Variants in CSPP1 observed in about 807,000 individuals in gnomAD.
CSPP1 encodes the protein centrosome and spindle pole-associated protein 1.
CSPP1 carries 126 observed loss-of-function variants against 164.4 expected under a neutral mutation model. The ratio of observed to expected loss-of-function variants is 0.77; its 90% CI spans 0.66 to 0.89. The LOEUF is 0.89. Among genes scored for constraint, CSPP1 ranks in the 40% least tolerant of loss-of-function variants. The pLI is 0.00. For missense variants in CSPP1, 1,395 were observed against 1,449.8 expected, an observed-to-expected ratio of 0.96 and a Z score of 0.61; for synonymous variants, 472 against 476.7, an observed-to-expected ratio of 0.99 and a Z score of 0.13.
At chr8:67,179,991 A>G (rs1832634767) in intron 28 of CSPP1, 65 bp downstream of exon 28, 1 of 890,900 alleles carries the variant, frequency 1.1e-6, no homozygotes, top group Non-Finnish European at 1.8e-6. Flanking sequence ...ACACTTAAAA[A>G]CCAGTACTGT....
chr8:67,172,119 G>A (rs2129566998), intron 24 of CSPP1, among the ~76,000 whole-genome samples: 1 of 151,502 alleles, frequency 6.6e-6, no homozygotes, highest in South Asian at 2.1e-4. Flanking sequence ...AAAGTGCTGG[G>A]ATTATAGGCA....
rs1382175164 is a variant in CSPP1 at position 67,086,739 on chromosome 8, A to G, written c.303+629A>G. 11 of 631,486 alleles carry G rather than the reference A, an allele frequency of 1.7e-5. No individual in the cohort carries two copies. In the Admixed American group the frequency reaches 2.7e-4, roughly 15 times the overall value. The allele number at this position is 631,486 out of a possible 1,614,324, so 39.1% of individuals were successfully genotyped here. On this transcript the variant is annotated intron_variant, in intron 4 of 30. Coordinates refer to ENST00000678616, the MANE Select transcript of CSPP1 (RefSeq NM_001382391.1). Reference sequence around the variant, plus strand: ...CTTTATGTTTGTTCCAAGTGTACAAATGTCTCTTATTCTGATTTACACATG... The same window carrying G: ...CTTTATGTTTGTTCCAAGTGTACAAGTGTCTCTTATTCTGATTTACACATG...
chr8:67,067,684 T>G (rs1805864794), intron 1 of CSPP1, among the ~76,000 whole-genome samples: 1 of 151,520 alleles, frequency 6.6e-6, no homozygotes, highest in Non-Finnish European at 1.5e-5. Context: ...AGGATGGTCT[T>G]GATCTCCTGA....
chr8:67,095,220 T>G, intron 6 of CSPP1, 73 bp from the exon 7 acceptor site: 2 of 805,800 alleles, frequency 2.5e-6, no homozygotes, highest in South Asian at 4.6e-5. Flanking sequence ...AAGTATAAAT[T>G]GAGGGTTTAA....
rs1216684934 is a variant in CSPP1 at position 67,161,876 on chromosome 8, ACCT to A, written c.2608_2610del (p.Pro870del). 6.2e-7 allele frequency: 1 copy of A among 1,612,984 alleles called. No individual in the cohort carries two copies. Among genetic ancestry groups the A allele is most frequent in the East Asian group, 2.2e-5 (1 of 44,834 alleles). On this transcript the variant is annotated inframe_deletion, in exon 22 of 31. Transcript: ENST00000678616. ...ACAAAATTGCAAGCAAACTCCAAAG[ACCT>A]CCTTCAGTTGACAGCATCATACGTT...
At chr8:67,150,141 T>C (rs1345107076) in intron 18 of CSPP1, among the ~76,000 whole-genome samples, 1 of 152,158 alleles carries the variant, frequency 6.6e-6, no homozygotes, top group East Asian at 1.9e-4. Flanking sequence ...TTCTTCCTAC[T>C]GTGTTTCTTC....
intron 24 of CSPP1, among the ~76,000 whole-genome samples, chr8:67,169,504 T>C (rs768889000): frequency 1.3e-5 from 2 of 152,122 alleles, no homozygotes; most frequent in Non-Finnish European, 2.9e-5. Flanking sequence ...GGAGGCATGA[T>C]CTTCGGCTCA....
chr8:67,166,712 T>G (rs1829371325), intron 24 of CSPP1, among the ~76,000 whole-genome samples: 1 of 152,136 alleles, frequency 6.6e-6, no homozygotes, highest in African/African-American at 2.4e-5. Flanking sequence ...CATGCATATT[T>G]AATTCAGTTT....
In CSPP1 at chr8:67,113,861, C is replaced by A. The variant is rs750389579; in HGVS notation, c.1244C>A (p.Ser415Ter). ...AASGAQDPEK[S>*]WNELLTSLQL... The stretch of plus-strand genomic sequence containing the variant: ...TCTGGAGCACAAGACCCTGAGAAAT[C>A]GGTAAGGGTTTCTGGCATCTTTTAA... The change falls in exon 11 of 31, where the codon TCG (serine) becomes TAG (stop). Residue 415 changes from serine to a stop codon, truncating the protein, a stop_gained and splice_region_variant. Transcript: ENST00000678616. LOFTEE classifies it high-confidence loss of function. The A allele has an allele frequency of 1.3e-6, 2 of 1,566,180 alleles. No individual in the cohort carries two copies. Among genetic ancestry groups the A allele is most frequent in the Non-Finnish European group, 1.7e-6 (2 of 1,143,326 alleles).
At chr8:67,194,638 T>TATTA (rs1837380930) in intron 30 of CSPP1, among the ~76,000 whole-genome samples, 1 of 151,928 alleles carries the variant, frequency 6.6e-6, no homozygotes, top group Admixed American at 6.6e-5. Flanking sequence ...AGCTTTTTGT[T>TATTA]ATTATGTGGA....
rs1471550689 is a variant in CSPP1, at chr8:67,154,092, C to T, written c.2197C>T (p.Gln733Ter). The change falls in exon 19 of 31, where the codon CAG becomes TAG. Residue 733 changes from glutamine to a stop codon, truncating the protein, a stop_gained. Transcript: ENST00000678616. LOFTEE classifies it high-confidence loss of function. ...NVFGEPPTEL[Q>*]IKQQELYKNF... is the part of the protein sequence containing the mutation. ...ATTTGGTGAGCCTCCAACTGAACTT[C>T]AGATTAAACAGCAAGAATTATACAA... 1.9e-6 allele frequency: 3 copies of T among 1,597,752 alleles called. No homozygotes were observed. Among genetic ancestry groups the T allele is most frequent in the Non-Finnish European group, 2.6e-6 (3 of 1,165,880 alleles).
rs1485988901 is a variant in CSPP1, at chr8:67,159,013, A to T, written c.2414A>T (p.His805Leu). Reference sequence around the variant, plus strand: ...AAGCAAAGGCTAAAAAATGAAGAGCATATTCGGTTAGCTGAAGAAAGACAA... The same window carrying T: ...AAGCAAAGGCTAAAAAATGAAGAGCTTATTCGGTTAGCTGAAGAAAGACAA... ...EEEQRLKNEE[H>L]IRLAEERQKE... is the part of the protein sequence containing the mutation. Residue 805 changes from histidine to leucine, a missense_variant, in exon 21 of 31, where the codon CAT becomes CTT. Coordinates refer to ENST00000678616, the MANE Select transcript of CSPP1 (RefSeq NM_001382391.1). The T allele has an allele frequency of 6.2e-7, 1 of 1,608,006 alleles. No individual in the cohort carries two copies. The highest frequency in any genetic ancestry group is 2.2e-5 in the East Asian group (1 of 44,788).
At chr8:67,159,869 T>C (rs1391975734) in intron 21 of CSPP1, among the ~76,000 whole-genome samples, 1 of 39,732 alleles carries the variant, frequency 2.5e-5, no homozygotes, top group Non-Finnish European at 4.7e-5. Context: ...TCTTTCTTTC[T>C]TTCTTTCTTT....
At chr8:67,074,530 G>A (rs141105336) in intron 2 of CSPP1, among the ~76,000 whole-genome samples, 179 bp downstream of exon 2, 1 of 152,198 alleles carries the variant, frequency 6.6e-6, no homozygotes, top group East Asian at 1.9e-4. Flanking sequence ...TTTTTCTTTT[G>A]TGGTGGTTTA....
intron 3 of CSPP1, among the ~76,000 whole-genome samples, chr8:67,081,859 C>G (rs916627620): frequency 7.2e-5 from 11 of 152,136 alleles, no homozygotes; most frequent in Non-Finnish European, 1.3e-4. Context: ...ATCTTCCTGC[C>G]TCAACCTCTC....
rs1206329690 is a variant in CSPP1 at position 67,154,046 on chromosome 8, T to C, written c.2151T>C (p.Ser717=). The change falls in exon 19 of 31, where the codon TCT becomes TCC. Residue 717 remains serine, a synonymous_variant. Coordinates refer to ENST00000678616, the MANE Select transcript of CSPP1 (RefSeq NM_001382391.1). ...KSSGHMQTQS[S]PFARGNVFGE... ...AAGGTCATATGCAAACACAGAGCTC[T>C]CCTTTTGCTCGGGGAAATGTATTTG... 6.3e-7 allele frequency: 1 copy of C among 1,599,592 alleles called. No individual in the cohort carries two copies. Among genetic ancestry groups the C allele is most frequent in the African/African-American group, 1.3e-5 (1 of 74,724 alleles).
At chr8:67,140,612 T>A (rs570822198) in intron 17 of CSPP1, among the ~76,000 whole-genome samples, 1 of 152,374 alleles carries the variant, frequency 6.6e-6, no homozygotes, top group Non-Finnish European at 1.5e-5. Flanking sequence ...TGAATAGTGC[T>A]ATAATATTTT....
chr8:67,151,651 T>C (rs1181888825), intron 18 of CSPP1, among the ~76,000 whole-genome samples: 1 of 152,188 alleles, frequency 6.6e-6, no homozygotes, highest in East Asian at 1.9e-4. Context: ...CCTATAGCCT[T>C]TCTGTACCAC....
intron 21 of CSPP1, among the ~76,000 whole-genome samples, chr8:67,159,486 T>TTTTA (rs1554604738): frequency 3.5e-5 from 5 of 141,980 alleles, no homozygotes; most frequent in Non-Finnish European, 7.6e-5. Context: ...TGAGAGTGGT[T>TTTTA]TATATATATA....
Sources: gnomAD v4.1 joint callset for allele counts (sites outside exome capture counted in the v4.1 genomes callset) on GRCh38, gnomAD v4.1.1 for gene constraint, MANE v1.5 for transcripts, NCBI Gene and HGNC (gene_info 2026-07-23, HGNC 2026-07-21) for gene names.